TDRD3: variants seen among roughly 807,000 people sequenced by gnomAD.
TDRD3 encodes the protein tudor domain-containing protein 3.
TDRD3 carries 45 observed loss-of-function variants against 86.7 expected under a neutral mutation model. That is an observed-to-expected ratio of 0.52 (90% CI 0.41 to 0.67). The LOEUF (loss-of-function observed/expected upper bound fraction) is 0.67, where lower values mean the gene tolerates loss of function less well. Ranked by LOEUF, TDRD3 falls within the 30% of genes least tolerant of loss-of-function variation. The pLI is 0.00. For synonymous variants in TDRD3, 298 were observed against 301.7 expected, an observed-to-expected ratio of 0.99 and a Z score of 0.13; for missense variants, 814 against 889.0, an observed-to-expected ratio of 0.92 and a Z score of 1.07.
chr13:60,485,659 T>G, intron 6 of TDRD3, 140 bp from the exon 7 acceptor site: 1 of 615,210 alleles, frequency 1.6e-6, no homozygotes, highest in Non-Finnish European at 2.4e-6. Flanking sequence ...CTTTTAAATA[T>G]ATGGGATAGA....
intron 10 of TDRD3, among the ~76,000 whole-genome samples, chr13:60,512,112 C>T (rs750023793): frequency 3.3e-5 from 5 of 152,076 alleles, no homozygotes; most frequent in South Asian, 2.1e-4. Flanking sequence ...TACAGTTCCA[C>T]GTGGCTGGGG....
chr13:60,502,924 A>G (rs891449858), intron 8 of TDRD3, among the ~76,000 whole-genome samples: 35 of 152,310 alleles, frequency 2.3e-4, no homozygotes, highest in African/African-American at 7.0e-4. Flanking sequence ...GCAAACTACT[A>G]TATTGTGATA....
intron 2 of TDRD3, among the ~76,000 whole-genome samples, chr13:60,441,522 A>G (rs2137967453): frequency 6.6e-6 from 1 of 152,336 alleles, no homozygotes; most frequent in Middle Eastern, 3.4e-3. Flanking sequence ...GGTGAAGCCT[A>G]TACCAGACAA....
intron 1 of TDRD3, among the ~76,000 whole-genome samples, chr13:60,407,973 A>T (rs773073991): frequency 2.0e-5 from 3 of 152,086 alleles, no homozygotes; most frequent in Non-Finnish European, 4.4e-5. Flanking sequence ...GTGAGATCTG[A>T]TGGGTTTTTC....
intron 5 of TDRD3, among the ~76,000 whole-genome samples, chr13:60,473,455 A>G (rs1047606460): frequency 4.6e-5 from 7 of 152,224 alleles, no homozygotes; most frequent in African/African-American, 1.7e-4. Flanking sequence ...CTTATCAGCT[A>G]TATTGTGGGC....
chr13:60,506,637 A>G (rs1195353661), intron 8 of TDRD3, among the ~76,000 whole-genome samples: 1 of 152,104 alleles, frequency 6.6e-6, no homozygotes. Flanking sequence ...CATGCCTATA[A>G]TCCCAGCTAC....
chr13:60,423,956 A>C (rs550608185), intron 1 of TDRD3, among the ~76,000 whole-genome samples: 1 of 152,182 alleles, frequency 6.6e-6, no homozygotes, highest in Non-Finnish European at 1.5e-5. Context: ...GAAAAACAGT[A>C]AATCTAGCAA....
chr13:60,410,661 A>C (rs1404833425), intron 1 of TDRD3, among the ~76,000 whole-genome samples: 1 of 152,176 alleles, frequency 6.6e-6, no homozygotes, highest in Non-Finnish European at 1.5e-5. Flanking sequence ...GAGATTTCTC[A>C]GGATCGTTTT....
chr13:60,523,893 A>G (rs1388767048), intron 10 of TDRD3, among the ~76,000 whole-genome samples: 7 of 151,562 alleles, frequency 4.6e-5, no homozygotes, highest in African/African-American at 1.7e-4. Context: ...ACATTTTTCT[A>G]TCACTTTTTG....
At chr13:60,442,572 G>A (rs1955307340) in intron 2 of TDRD3, among the ~76,000 whole-genome samples, 1 of 152,004 alleles carries the variant, frequency 6.6e-6, no homozygotes, top group African/African-American at 2.4e-5. Context: ...TAATAAAGTT[G>A]TCTTTATAGT....
chr13:60,510,633 G>A lies in TDRD3; in HGVS notation c.1019G>A (p.Arg340Lys), dbSNP rs1359281150. 7 of 1,596,240 alleles carry A rather than the reference G, an allele frequency of 4.4e-6. No homozygotes were observed. Among genetic ancestry groups the A allele is most frequent in the Non-Finnish European group, 6.0e-6 (7 of 1,172,080 alleles). Residue 340 changes from arginine to lysine, a missense_variant, in exon 10 of 14, where the codon AGA (arginine) becomes AAA (lysine). By Grantham distance (26) the Arg-to-Lys change is conservative (BLOSUM62 2). Coordinates refer to ENST00000377881, the MANE Select transcript of TDRD3 (RefSeq NM_001146070.2). ...TTTCTTGCTTTTGCATCTAAAGGTA[G>A]AGGAAAAGGCAGGGGGCGAATAAGA... ...KPVMGPPLRG[R>K]GKGRGRIRSE...
At chr13:60,409,765 G>A (rs1224138360) in intron 1 of TDRD3, among the ~76,000 whole-genome samples, 1 of 152,200 alleles carries the variant, frequency 6.6e-6, no homozygotes, top group Non-Finnish European at 1.5e-5. Context: ...TCTCAGATGA[G>A]ACTTTGGACT....
At chr13:60,441,039 G>C (rs907557002) in intron 2 of TDRD3, among the ~76,000 whole-genome samples, 1 of 151,890 alleles carries the variant, frequency 6.6e-6, no homozygotes, top group Non-Finnish European at 1.5e-5. Flanking sequence ...TACTTAACAA[G>C]ACAAGTAAGA....
intron 12 of TDRD3, among the ~76,000 whole-genome samples, chr13:60,565,291 G>A (rs1430464452): frequency 2.0e-5 from 3 of 151,912 alleles, no homozygotes; most frequent in East Asian, 1.9e-4. Flanking sequence ...TCCAGACCTC[G>A]TGATCCGCCC....
chr13:60,565,375 T>A (rs2137983515), intron 12 of TDRD3, among the ~76,000 whole-genome samples: 1 of 152,262 alleles, frequency 6.6e-6, no homozygotes, highest in African/African-American at 2.4e-5. Context: ...TTTTTACTTT[T>A]TTTTAGCTTC....
chr13:60,572,388 G>C (rs1658166680), intron 13 of TDRD3, among the ~76,000 whole-genome samples: 1 of 152,208 alleles, frequency 6.6e-6, no homozygotes, highest in South Asian at 2.1e-4. Context: ...AGAGTGATAT[G>C]ATCAAAATTA....
chr13:60,519,264 A>G (rs1957237863), intron 10 of TDRD3, among the ~76,000 whole-genome samples: 1 of 152,212 alleles, frequency 6.6e-6, no homozygotes, highest in Admixed American at 6.5e-5. Flanking sequence ...GGACTATGCT[A>G]GGTGCTTTGC....
At chr13:60,460,295 A>G (rs890445742) in intron 3 of TDRD3, 85 bp from the exon 4 acceptor site, 1 of 1,208,778 alleles carries the variant, frequency 8.3e-7, no homozygotes. Context: ...CTATTAAGGA[A>G]AAGAGAAACA....
chr13:60,561,296 G>A (rs146138266), intron 12 of TDRD3, among the ~76,000 whole-genome samples: 2 of 152,074 alleles, frequency 1.3e-5, no homozygotes, highest in Non-Finnish European at 2.9e-5. Context: ...AGGGAGAAAG[G>A]CTCTGAACTC....
Sources: allele counts gnomAD v4.1 joint callset (sites outside exome capture counted in the v4.1 genomes callset), GRCh38; gene constraint gnomAD v4.1.1; transcripts MANE v1.5; gene names NCBI Gene and HGNC (gene_info 2026-07-23, HGNC 2026-07-21).